The following ANKRD17 variants were observed in gnomAD, a reference collection of about 807,000 sequenced individuals.
ANKRD17 encodes the protein ankyrin repeat domain 17.
Under a neutral mutation model 229.7 loss-of-function variants are expected in ANKRD17, and 19 were observed. The observed-to-expected ratio is 0.08, with a 90% CI of 0.06 to 0.12. The LOEUF is 0.12. Among genes scored for constraint, ANKRD17 ranks in the 10% least tolerant of loss-of-function variants. The pLI is 1.00. For missense variants in ANKRD17, 2,176 were observed against 3,176.8 expected, an observed-to-expected ratio of 0.68 and a Z score of 7.57; for synonymous variants, 1,112 against 1,146.1, an observed-to-expected ratio of 0.97 and a Z score of 0.60.
chr4:73,159,160 T>C (rs2148904688), intron 3 of ANKRD17, among the ~76,000 whole-genome samples: 1 of 152,372 alleles, frequency 6.6e-6, no homozygotes, highest in East Asian at 1.9e-4. Context: ...ATTTGTCTTT[T>C]AAACATCTCT....
chr4:73,218,438 T>A (rs951566154), intron 1 of ANKRD17, among the ~76,000 whole-genome samples: 2 of 151,664 alleles, frequency 1.3e-5, no homozygotes, highest in Admixed American at 6.6e-5. Flanking sequence ...AGATCAGGAG[T>A]TAGTGACCAG....
intron 2 of ANKRD17, among the ~76,000 whole-genome samples, chr4:73,168,421 T>C (rs544544692): frequency 9.3e-5 from 14 of 151,176 alleles, no homozygotes; most frequent in South Asian, 2.1e-4. Context: ...ATATGATATA[T>C]AGTGCTAAAT....
intron 1 of ANKRD17, among the ~76,000 whole-genome samples, chr4:73,199,271 A>C (rs1340312976): frequency 6.7e-6 from 1 of 148,682 alleles, no homozygotes; most frequent in African/African-American, 2.5e-5. Context: ...GGAGGAGGGA[A>C]GGGGAAAACA....
At chr4:73,223,512 A>G (rs1742127703) in intron 1 of ANKRD17, among the ~76,000 whole-genome samples, 1 of 152,214 alleles carries the variant, frequency 6.6e-6, no homozygotes, top group African/African-American at 2.4e-5. Context: ...CAAATGTATT[A>G]TATAACATAC....
At chr4:73,110,819 G>T (rs1725221283) in intron 24 of ANKRD17, among the ~76,000 whole-genome samples, 1 of 152,108 alleles carries the variant, frequency 6.6e-6, no homozygotes, top group Non-Finnish European at 1.5e-5. Flanking sequence ...TAATGCATGT[G>T]CAGGAATCAA....
intron 1 of ANKRD17, among the ~76,000 whole-genome samples, chr4:73,254,905 A>G (rs1269268048): frequency 6.6e-6 from 1 of 152,246 alleles, no homozygotes; most frequent in Non-Finnish European, 1.5e-5. Context: ...TAATAGTCAA[A>G]AGCAATTTAA....
intron 1 of ANKRD17, among the ~76,000 whole-genome samples, chr4:73,205,932 T>C (rs1436441371): frequency 6.6e-6 from 1 of 152,112 alleles, no homozygotes; most frequent in African/African-American, 2.4e-5. Flanking sequence ...AGGACCTGAA[T>C]AGACATTTCT....
chr4:73,175,597 T>C (rs1041172778), intron 2 of ANKRD17, among the ~76,000 whole-genome samples: 3 of 152,242 alleles, frequency 2.0e-5, no homozygotes, highest in Middle Eastern at 3.4e-3. Flanking sequence ...GATTGTCACA[T>C]AAAAGTACAC....
chr4:73,103,020 T>C (rs1724195619), intron 24 of ANKRD17, among the ~76,000 whole-genome samples: 3 of 152,166 alleles, frequency 2.0e-5, no homozygotes, highest in Middle Eastern at 6.8e-3. Flanking sequence ...AAAATGTCTA[T>C]CTCTAGTGAA....
chr4:73,090,604 C>G, intron 29 of ANKRD17, 63 bp downstream of exon 29: 3 of 1,590,008 alleles, frequency 1.9e-6, no homozygotes, highest in Non-Finnish European at 2.6e-6. Context: ...AGAAAATGAC[C>G]AAGAATTTTC....
chr4:73,094,253 T>C (rs751176226), intron 27 of ANKRD17, 25 bp from the exon 28 acceptor site: 2 of 1,584,888 alleles, frequency 1.3e-6, no homozygotes, highest in Non-Finnish European at 1.7e-6. Context: ...TATATATAAA[T>C]TAAGATTAGT....
intron 24 of ANKRD17, among the ~76,000 whole-genome samples, chr4:73,105,769 A>G (rs1003292733): frequency 6.6e-6 from 1 of 152,200 alleles, no homozygotes; most frequent in African/African-American, 2.4e-5. Context: ...TAAGCATTAA[A>G]AGAAAGGCAA....
intron 18 of ANKRD17, among the ~76,000 whole-genome samples, chr4:73,123,870 G>C (rs72861843): frequency 6.6e-6 from 1 of 151,908 alleles, no homozygotes; most frequent in Admixed American, 6.6e-5. Context: ...TCACTCGTCA[G>C]AATACCTTTA....
intron 25 of ANKRD17, among the ~76,000 whole-genome samples, chr4:73,100,334 G>A (rs1049437768): frequency 2.0e-5 from 3 of 151,984 alleles, no homozygotes; most frequent in Non-Finnish European, 2.9e-5. Context: ...TGAGCAAGGG[G>A]GCCTGAATCG....
intron 3 of ANKRD17, among the ~76,000 whole-genome samples, chr4:73,156,464 C>A (rs1731672175): frequency 6.6e-6 from 1 of 152,092 alleles, no homozygotes; most frequent in South Asian, 2.1e-4. Context: ...GGCTCTGTGT[C>A]CCCACCCAAA....
At chr4:73,078,561 T>C (rs1006231241) in intron 31 of ANKRD17, 81 bp downstream of exon 31, 4 of 1,435,210 alleles carry the variant, frequency 2.8e-6, no homozygotes, top group Non-Finnish European at 3.7e-6. Flanking sequence ...AAAAAGGAAA[T>C]GACTATTAAA....
rs912625960 is a variant in ANKRD17, at chr4:73,074,286, A to C, written c.*1945T>G. On this transcript the variant is annotated 3_prime_UTR_variant, in exon 34 of 34. Transcript: ENST00000358602. Reference sequence around the variant, plus strand: ...TATTGGATAGCATCTGTTCTCCAGCAGGATTACCTTAAATAGAAAATAACC... The same window carrying C: ...TATTGGATAGCATCTGTTCTCCAGCCGGATTACCTTAAATAGAAAATAACC... The C allele has an allele frequency of 2.0e-5, 3 of 152,036 alleles. No homozygotes were observed. The highest frequency in any genetic ancestry group is 7.2e-5 in the African/African-American group (3 of 41,448). 9.4% of individuals were successfully genotyped at this position (152,036 alleles called of 1,614,324 possible).
intron 14 of ANKRD17, 76 bp from the exon 15 acceptor site, chr4:73,140,359 G>T (rs1472503306): frequency 6.8e-7 from 1 of 1,463,192 alleles, no homozygotes; most frequent in Admixed American, 2.4e-5. Context: ...GGGAGGTTTA[G>T]TGCCAACAGT....
At chr4:73,200,194 T>TA (rs1288379365) in intron 1 of ANKRD17, among the ~76,000 whole-genome samples, 2 of 152,238 alleles carry the variant, frequency 1.3e-5, no homozygotes, top group Non-Finnish European at 2.9e-5. Flanking sequence ...CCATTCAGTA[T>TA]TTAGTAAATA....
Sources: allele counts gnomAD v4.1 joint callset (sites outside exome capture counted in the v4.1 genomes callset), GRCh38; gene constraint gnomAD v4.1.1; transcripts MANE v1.5; gene names NCBI Gene and HGNC (gene_info 2026-07-23, HGNC 2026-07-21).